The following SMARCA1 variants were observed in gnomAD, a reference collection of about 807,000 sequenced individuals.
SMARCA1 encodes the protein SNF2 related chromatin remodeling ATPase 1.
In SMARCA1, 17 loss-of-function variants were observed where a neutral mutation model predicts 93.6. The ratio of observed to expected loss-of-function variants is 0.18; its 90% CI spans 0.12 to 0.27. The LOEUF (loss-of-function observed/expected upper bound fraction) is 0.27, where lower values mean the gene tolerates loss of function less well. Among genes scored for constraint, SMARCA1 ranks in the 10% least tolerant of loss-of-function variants. The pLI is 1.00. For synonymous variants in SMARCA1, 271 were observed against 271.4 expected (o/e 1.00, Z 0.01); for missense variants, 630 against 819.0 (o/e 0.77, Z 2.82).
At chrX:129,511,392 A>G (rs961644946) in intron 6 of SMARCA1, among the ~76,000 whole-genome samples, 3 of 112,186 alleles carry the variant, frequency 2.7e-5, no homozygotes, top group African/African-American at 9.7e-5. Context: ...CAAAAGTCAA[A>G]AACTTAAATA....
chrX:129,480,830 A>C lies in SMARCA1; in HGVS notation c.2329-16T>G, dbSNP rs770508107. 3 of 969,716 alleles carry C rather than the reference A, an allele frequency of 3.1e-6. No individual in the cohort carries two copies. The African/African-American group carries it at 6.0e-5, about 19-fold the overall frequency. 79.9% of individuals were successfully genotyped at this position (969,716 alleles called of 1,213,427 possible). A position where few individuals can be genotyped will look rare whatever the true frequency, so the allele number is the denominator to read the frequency against. On this transcript the variant is annotated splice_polypyrimidine_tract_variant and intron_variant, in intron 18 of 24. Coordinates refer to ENST00000371121, the MANE Select transcript of SMARCA1 (RefSeq NM_001282874.2). Reference sequence around the variant, plus strand: ...GCCGTGGAGCCTATGAGGGAGGAAAATGTATTATATATACTTCTTTTCAGT... The same window carrying C: ...GCCGTGGAGCCTATGAGGGAGGAAACTGTATTATATATACTTCTTTTCAGT...
intron 23 of SMARCA1, among the ~76,000 whole-genome samples, chrX:129,462,027 T>C (rs184584717): frequency 8.9e-6 from 1 of 112,141 alleles, no homozygotes; most frequent in Admixed American, 9.5e-5. Context: ...CGTGCCTTTA[T>C]GACTGTTAGT....
chrX:129,516,344 T>G lies in SMARCA1; in HGVS notation c.415A>C (p.Ile139Leu). 1.7e-6 allele frequency: 2 copies of G among 1,209,027 alleles called. No homozygotes were observed. Among genetic ancestry groups the G allele is most frequent in the African/African-American group, 1.7e-5 (1 of 57,685 alleles). ...GTGCCAACATACTCTCCAGCAGAAA[T>G]TAAGCTCTGCTTTTCATCTTTCTTT... ...RIKKDEKQSL[I>L]SAGDYRHRRT... The change falls in exon 3 of 25, where the codon ATT (isoleucine) becomes CTT (leucine). Residue 139 changes from isoleucine to leucine, a missense_variant. Coordinates refer to ENST00000371121, the MANE Select transcript of SMARCA1 (RefSeq NM_001282874.2).
In SMARCA1 at chrX:129,489,987, A is replaced by G; in HGVS notation, c.1948+73T>C. ...TTCAAATTTTGGTCAACTTTTATTA[A>G]AAGTAATCTCCTTTGAAGAAAACTA... On this transcript the variant is annotated intron_variant, in intron 15 of 24. Coordinates refer to ENST00000371121, the MANE Select transcript of SMARCA1 (RefSeq NM_001282874.2). 3 of 811,532 alleles carry G rather than the reference A, an allele frequency of 3.7e-6. No homozygotes were observed. In the South Asian group the frequency reaches 9.8e-5, roughly 26 times the overall value. 66.9% of individuals were successfully genotyped at this position (811,532 alleles called of 1,213,427 possible).
At chrX:129,504,585 A>AAAAAAG in intron 9 of SMARCA1, 149 bp downstream of exon 9, 1 of 305,100 alleles carries the variant, frequency 3.3e-6, no homozygotes. Context: ...AAAAAAACAA[A>AAAAAAG]GAGGCTGTCA....
chrX:129,475,523 GA>G (rs1305147691), intron 19 of SMARCA1, among the ~76,000 whole-genome samples: 1 of 107,834 alleles, frequency 9.3e-6, no homozygotes, highest in Non-Finnish European at 1.9e-5. Flanking sequence ...CGTCTCAAAA[GA>G]AAAAAAAAGA....
At chrX:129,448,996 G>C (rs1321790106) in intron 23 of SMARCA1, among the ~76,000 whole-genome samples, 1 of 109,535 alleles carries the variant, frequency 9.1e-6, no homozygotes, top group Non-Finnish European at 1.9e-5. Context: ...ACACACGAGC[G>C]CATGTATAAC....
At chrX:129,508,203 C>T in intron 6 of SMARCA1, 107 bp from the exon 7 acceptor site, 6 of 495,690 alleles carry the variant, frequency 1.2e-5, no homozygotes, top group Non-Finnish European at 1.8e-5. Flanking sequence ...TTCTAAGAGA[C>T]CCTGAGGATC....
chrX:129,504,655 G>A, intron 9 of SMARCA1, 79 bp downstream of exon 9: 1 of 570,515 alleles, frequency 1.8e-6, no homozygotes, highest in Non-Finnish European at 2.7e-6. Context: ...AGTTCAAACA[G>A]ATTCCATAGC....
At chrX:129,459,095 G>A (rs1398394095) in intron 23 of SMARCA1, among the ~76,000 whole-genome samples, 1 of 112,356 alleles carries the variant, frequency 8.9e-6, no homozygotes, top group Non-Finnish European at 1.9e-5. Flanking sequence ...ATGCTTTTAC[G>A]TAACTGCTGC....
chrX:129,523,260 C>T lies in SMARCA1; in HGVS notation c.111G>A (p.Glu37=). The T allele has an allele frequency of 8.3e-7, 1 of 1,211,118 alleles. No homozygotes were observed. Among genetic ancestry groups the T allele is most frequent in the Non-Finnish European group, 1.1e-6 (1 of 895,267 alleles). The part of the protein sequence containing the change: ...EQPGPSTSQE[E]GAAAAATEAT... Reference sequence around the variant, plus strand: ...CTTCGGTGGCCGCGGCGGCCGCTCCCTCCTCCTGAGAGGTGGACGGCCCGG... The same window carrying T: ...CTTCGGTGGCCGCGGCGGCCGCTCCTTCCTCCTGAGAGGTGGACGGCCCGG... Residue 37 remains glutamate (E), a synonymous_variant, in exon 1 of 25, where the codon GAG becomes GAA. Transcript: ENST00000371121.
Position 129,508,017 on chromosome X carries a change from T to G in SMARCA1, c.890A>C (p.Lys297Thr). The G allele has an allele frequency of 8.5e-7, 1 of 1,174,772 alleles. No homozygotes were observed. Among genetic ancestry groups the G allele is most frequent in the Non-Finnish European group, 1.2e-6 (1 of 866,179 alleles). ...VTSYEMVIKEKSVFKKFHWRY... is the reference protein window; with the variant it reads ...VTSYEMVIKETSVFKKFHWRY... ...CCAGTGAAACTTTTTGAATACAGAT[T>G]TTTCTTTAATTACCATCTCATAAGA... The change falls in exon 7 of 25, where the codon AAA (lysine) becomes ACA (threonine). Residue 297 changes from lysine (K) to threonine (T), a missense_variant. Around this residue, in one of 4 missense-constraint regions of SMARCA1, gnomAD observed 382 missense variants for 537.9 expected, o/e 0.71. Coordinates refer to ENST00000371121, the MANE Select transcript of SMARCA1 (RefSeq NM_001282874.2).
At chrX:129,492,153 G>A in intron 13 of SMARCA1, 60 bp from the exon 14 acceptor site, 1 of 686,295 alleles carries the variant, frequency 1.5e-6, no homozygotes, top group Non-Finnish European at 2.2e-6. Flanking sequence ...TAGACCATCA[G>A]GGTCCTTAAG....
At chrX:129,471,814 A>C (rs1224755907) in intron 19 of SMARCA1, among the ~76,000 whole-genome samples, 1 of 111,776 alleles carries the variant, frequency 8.9e-6, no homozygotes, top group Non-Finnish European at 1.9e-5. Flanking sequence ...CATAAAATGG[A>C]AAGTTTGGAA....
chrX:129,488,793 G>C, intron 16 of SMARCA1, 144 bp downstream of exon 16: 2 of 391,456 alleles, frequency 5.1e-6, no homozygotes, highest in Non-Finnish European at 8.5e-6. Flanking sequence ...CCTGGAAATA[G>C]ATCTACAAGT....
At chrX:129,475,900 C>A (rs1933360232) in intron 19 of SMARCA1, among the ~76,000 whole-genome samples, 1 of 112,266 alleles carries the variant, frequency 8.9e-6, no homozygotes, top group African/African-American at 3.2e-5. Flanking sequence ...AGGTGGCCCA[C>A]AATGACACAT....
intron 20 of SMARCA1, among the ~76,000 whole-genome samples, chrX:129,470,192 C>A (rs1030351939): frequency 2.0e-4 from 22 of 111,517 alleles, no homozygotes; most frequent in Non-Finnish European, 3.6e-4. Context: ...TGCTGGCAAC[C>A]CTCTATACTA....
At chrX:129,504,625 TGAGCCAA>T in intron 9 of SMARCA1, 102 bp downstream of exon 9, 1 of 398,376 alleles carries the variant, frequency 2.5e-6, no homozygotes, top group Non-Finnish European at 4.3e-6. Context: ...ACAGTGACAT[TGAGCCAA>T]GAGGCAAACA....
intron 23 of SMARCA1, among the ~76,000 whole-genome samples, chrX:129,453,096 C>G (rs1411426780): frequency 6.3e-5 from 7 of 111,413 alleles, no homozygotes; most frequent in African/African-American, 2.3e-4. Flanking sequence ...ACCAGCCATT[C>G]CCCCAACTCT....
Sources: gnomAD v4.1 joint callset for allele counts (sites outside exome capture counted in the v4.1 genomes callset) on GRCh38, gnomAD v4.1.1 for gene constraint, gnomAD v4.1.1 regional missense constraint, MANE v1.5 for transcripts, NCBI Gene and HGNC (gene_info 2026-07-23, HGNC 2026-07-21) for gene names.